The following MCTP1 variants were observed in gnomAD, a reference collection of about 807,000 sequenced individuals.
MCTP1 encodes multiple C2 and transmembrane domain-containing protein 1.
A neutral mutation model predicts 120.6 loss-of-function variants in MCTP1; 69 were observed. The observed-to-expected ratio is 0.57, with a 90% CI of 0.47 to 0.70. MCTP1 has a LOEUF of 0.70. MCTP1 is among the 30% of genes least tolerant of loss of function. The probability of loss-of-function intolerance (pLI) is 0.00; values close to 1 mark genes in which losing one functional copy is unlikely to be tolerated. For synonymous variants in MCTP1, 529 were observed against 493.1 expected (o/e 1.07, Z -0.96); for missense variants, 1,203 against 1,248.8 (o/e 0.96, Z 0.55).
chr5:94,897,793 A>G (rs919158323), intron 10 of MCTP1, among the ~76,000 whole-genome samples: 2 of 152,052 alleles, frequency 1.3e-5, no homozygotes, highest in African/African-American at 4.8e-5. Flanking sequence ...TAAGCCTAGT[A>G]CTCAATAGTT....
chr5:94,754,055 A>C (rs1165093227), intron 19 of MCTP1, among the ~76,000 whole-genome samples: 1 of 152,232 alleles, frequency 6.6e-6, no homozygotes, highest in Admixed American at 6.5e-5. Context: ...AGAGAGTTAA[A>C]GTGTATTGGC....
chr5:94,882,716 T>C (rs1456455208), intron 12 of MCTP1, among the ~76,000 whole-genome samples: 1 of 152,144 alleles, frequency 6.6e-6, no homozygotes, highest in Non-Finnish European at 1.5e-5. Flanking sequence ...TTTTATAGTA[T>C]TTCTCTTTCC....
At chr5:94,737,225 G>GAGA (rs1764479648) in intron 19 of MCTP1, among the ~76,000 whole-genome samples, 2 of 149,084 alleles carry the variant, frequency 1.3e-5, no homozygotes, top group East Asian at 2.1e-4. Context: ...TTTTATCTCA[G>GAGA]AGGAGGAGGG....
rs73776310 is a variant in MCTP1 at position 95,191,695 on chromosome 5, A to T, written c.720+92161T>A. ...CTCTACTATTCTTTCTCAAGTGGTC[A>T]ATAGTATGTTACTAACAAATGCATT... On this transcript the variant is annotated intron_variant, in intron 1 of 22. Transcript: ENST00000515393. Among the ~76,000 whole-genome samples, 432 of 152,132 alleles carry T rather than the reference A, an allele frequency of 2.8e-3. 1 individual carries two copies. The highest frequency in any genetic ancestry group is 9.5e-3 in the African/African-American group (396 of 41,560).
chr5:95,011,957 C>A (rs1447419607), intron 2 of MCTP1, among the ~76,000 whole-genome samples: 4 of 152,134 alleles, frequency 2.6e-5, no homozygotes, highest in African/African-American at 9.7e-5. Context: ...TCATATTATA[C>A]TTTCCCTGTC....
chr5:94,711,227 CTTTA>C (rs1363442832), intron 20 of MCTP1, among the ~76,000 whole-genome samples: 1 of 152,060 alleles, frequency 6.6e-6, no homozygotes, highest in Non-Finnish European at 1.5e-5. Context: ...TATTTTTCTT[CTTTA>C]TTTTTCTACT....
At chr5:95,246,877 C>T (rs1422524844) in intron 1 of MCTP1, among the ~76,000 whole-genome samples, 1 of 152,166 alleles carries the variant, frequency 6.6e-6, no homozygotes, top group Non-Finnish European at 1.5e-5. Context: ...CTCTACCAGG[C>T]TTTGGTATCA....
At chr5:95,135,618 T>C (rs1272126865) in intron 1 of MCTP1, among the ~76,000 whole-genome samples, 1 of 152,214 alleles carries the variant, frequency 6.6e-6, no homozygotes, top group Non-Finnish European at 1.5e-5. Context: ...CCTCCCAGCC[T>C]ACATCTTTCT....
At chr5:94,973,774 G>A (rs1827431634) in intron 2 of MCTP1, among the ~76,000 whole-genome samples, 1 of 152,026 alleles carries the variant, frequency 6.6e-6, no homozygotes, top group Non-Finnish European at 1.5e-5. Context: ...TTTCTGAGGG[G>A]GATGAAAAGG....
At position 94,912,863 on chromosome 5, in the gene MCTP1, G is replaced by A. The variant is rs577105444; in HGVS notation, c.1464C>T (p.Asn488=). 22 of 1,594,022 alleles carry A rather than the reference G, an allele frequency of 1.4e-5. No individual in the cohort carries two copies. The highest frequency in any genetic ancestry group is 4.5e-5 in the South Asian group (4 of 88,052). The part of the protein sequence containing the change: ...EGRDLKAMDS[N]GLSDPYVKFR... ...ACTTCACGTAGGGATCGCTCAACCCGTTGGAATCCATGGCCTTGAGGTCTC... is the reference window on the plus strand; with the variant it reads ...ACTTCACGTAGGGATCGCTCAACCCATTGGAATCCATGGCCTTGAGGTCTC... Residue 488 remains asparagine, a synonymous_variant, in exon 9 of 23, where the codon AAC becomes AAT. Coordinates refer to ENST00000515393, the MANE Select transcript of MCTP1 (RefSeq NM_024717.7).
intron 17 of MCTP1, among the ~76,000 whole-genome samples, chr5:94,802,196 T>A (rs1022460122): frequency 1.3e-5 from 2 of 152,204 alleles, no homozygotes; most frequent in South Asian, 2.1e-4. Context: ...ATTGAAAAAA[T>A]ATATATTTTT....
intron 1 of MCTP1, among the ~76,000 whole-genome samples, chr5:95,057,720 C>T (rs375169315): frequency 1.3e-5 from 2 of 152,140 alleles, no homozygotes; most frequent in Admixed American, 1.3e-4. Flanking sequence ...GATGGCATTT[C>T]GTACCCAGAT....
chr5:95,045,184 C>G (rs1279699126), intron 1 of MCTP1, among the ~76,000 whole-genome samples: 1 of 152,156 alleles, frequency 6.6e-6, no homozygotes, highest in African/African-American at 2.4e-5. Flanking sequence ...GCTTCTTACC[C>G]AGGCTATTGG....
chr5:94,781,157 C>T (rs1377756854), intron 18 of MCTP1, among the ~76,000 whole-genome samples: 1 of 150,520 alleles, frequency 6.6e-6, no homozygotes, highest in Non-Finnish European at 1.5e-5. Flanking sequence ...GCTGAAATTA[C>T]CCATGCAGAT....
At chr5:94,888,845 A>T (rs775674754) in intron 12 of MCTP1, 34 bp downstream of exon 12, 1 of 1,347,366 alleles carries the variant, frequency 7.4e-7, no homozygotes, top group Non-Finnish European at 1.1e-6. Flanking sequence ...GTGCTGCTTG[A>T]TCTGAGCAAT....
intron 2 of MCTP1, among the ~76,000 whole-genome samples, chr5:94,989,346 G>A (rs544763510): frequency 4.5e-4 from 69 of 152,286 alleles, no homozygotes; most frequent in Non-Finnish European, 6.3e-4. Flanking sequence ...TGATATAACA[G>A]ATTACCACAA....
chr5:95,223,450 CA>C (rs1194562752), intron 1 of MCTP1, among the ~76,000 whole-genome samples: 2 of 152,024 alleles, frequency 1.3e-5, no homozygotes, highest in Middle Eastern at 3.4e-3. Context: ...GATTCTGTCT[CA>C]AAAACATAAA....
intron 2 of MCTP1, among the ~76,000 whole-genome samples, chr5:95,007,262 A>G (rs1038076485): frequency 1.3e-5 from 2 of 152,134 alleles, no homozygotes; most frequent in Admixed American, 1.3e-4. Flanking sequence ...GGGAACTACA[A>G]TTCAAGATGA....
intron 1 of MCTP1, among the ~76,000 whole-genome samples, chr5:95,098,889 AACCAAAACAGCATGGTACTGGT>A (rs1756483817): frequency 6.6e-6 from 1 of 152,240 alleles, no homozygotes; most frequent in East Asian, 1.9e-4. Context: ...AGGCTACAGT[AACCAAAACAGCATGGTACTGGT>A]ACCAAAACAG....
Sources: gnomAD v4.1 joint callset for allele counts (sites outside exome capture counted in the v4.1 genomes callset) on GRCh38, gnomAD v4.1.1 for gene constraint, MANE v1.5 for transcripts, NCBI Gene and HGNC (gene_info 2026-07-23, HGNC 2026-07-21) for gene names.